GAS2: variants seen among roughly 807,000 people sequenced by gnomAD.
GAS2 encodes the protein growth arrest specific 2.
In GAS2, 20 loss-of-function variants were observed where a neutral mutation model predicts 37.5. That is an observed-to-expected ratio of 0.53 (90% confidence interval 0.37 to 0.77). GAS2 has a LOEUF of 0.77. Ranked by LOEUF, GAS2 falls within the 30% of genes least tolerant of loss-of-function variation. The probability of loss-of-function intolerance (pLI) is 0.00; values close to 1 mark genes in which losing one functional copy is unlikely to be tolerated. For missense variants in GAS2, 336 were observed against 373.4 expected (o/e 0.90, Z 0.82); for synonymous variants, 144 against 132.2 (o/e 1.09, Z -0.61).
intron 1 of GAS2, among the ~76,000 whole-genome samples, chr11:22,645,296 T>A (rs1848676060): frequency 1.3e-5 from 2 of 151,862 alleles, no homozygotes; most frequent in South Asian, 4.2e-4. Flanking sequence ...GATCACGAGG[T>A]AAGGAGATTA....
chr11:22,648,720 CTGTT>C (rs1288798937), intron 1 of GAS2, among the ~76,000 whole-genome samples: 1 of 152,164 alleles, frequency 6.6e-6, no homozygotes, highest in Non-Finnish European at 1.5e-5. Context: ...ATTTGGCTCT[CTGTT>C]TGTCTGTTAT....
intron 2 of GAS2, among the ~76,000 whole-genome samples, chr11:22,682,869 TAA>T (rs371098220): frequency 8.9e-5 from 7 of 78,932 alleles, no homozygotes; most frequent in South Asian, 5.8e-4. Flanking sequence ...CACTTTCTGC[TAA>T]AAAAAAAAAA....
intron 7 of GAS2, among the ~76,000 whole-genome samples, chr11:22,766,507 T>G (rs1854703992): frequency 6.6e-6 from 1 of 152,208 alleles, no homozygotes; most frequent in African/African-American, 2.4e-5. Context: ...CCATTAGTAA[T>G]TTACCTATAC....
At chr11:22,811,702 A>G in intron 7 of GAS2, 96 bp from the exon 8 acceptor site, 3 of 1,202,016 alleles carry the variant, frequency 2.5e-6, no homozygotes, top group Non-Finnish European at 3.6e-6. Flanking sequence ...GTCATGAAAT[A>G]CAAACCAAAA....
At chr11:22,659,610 G>A (rs1848893458) in intron 1 of GAS2, among the ~76,000 whole-genome samples, 1 of 152,128 alleles carries the variant, frequency 6.6e-6, no homozygotes, top group Non-Finnish European at 1.5e-5. Context: ...TCTCTGTGAT[G>A]TGGAATCTTC....
intron 7 of GAS2, among the ~76,000 whole-genome samples, chr11:22,801,182 A>G (rs964192504): frequency 4.6e-5 from 7 of 151,988 alleles, no homozygotes; most frequent in African/African-American, 1.4e-4. Context: ...TAAACTACAT[A>G]ACTAAGAGAC....
intron 7 of GAS2, among the ~76,000 whole-genome samples, chr11:22,792,586 A>G (rs1348122114): frequency 2.0e-5 from 3 of 152,350 alleles, no homozygotes; most frequent in South Asian, 4.1e-4. Flanking sequence ...TTTATGTCTA[A>G]AAACTGGCTG....
At chr11:22,681,833 A>T (rs1565082830) in intron 2 of GAS2, among the ~76,000 whole-genome samples, 2 of 151,630 alleles carry the variant, frequency 1.3e-5, no homozygotes. Flanking sequence ...TTTATATTAT[A>T]TTTTTTTGAA....
At chr11:22,719,059 C>A (rs914983247) in intron 3 of GAS2, among the ~76,000 whole-genome samples, 2 of 151,986 alleles carry the variant, frequency 1.3e-5, no homozygotes, top group Admixed American at 1.3e-4. Flanking sequence ...TAACATGTAA[C>A]AAAAATTACA....
chr11:22,716,823 C>T (rs1471517203), intron 3 of GAS2, among the ~76,000 whole-genome samples: 1 of 152,034 alleles, frequency 6.6e-6, no homozygotes, highest in Admixed American at 6.6e-5. Context: ...TCAAGGTACA[C>T]AAATCAGTAG....
chr11:22,665,951 G>A (rs1848977714), upstream of GAS2, among the ~76,000 whole-genome samples: 1 of 152,154 alleles, frequency 6.6e-6, no homozygotes, highest in African/African-American at 2.4e-5. Context: ...ATGAACATGA[G>A]AACAAAACAA....
At chr11:22,643,629 A>C (rs1269134601) in intron 1 of GAS2, among the ~76,000 whole-genome samples, 1 of 152,134 alleles carries the variant, frequency 6.6e-6, no homozygotes, top group African/African-American at 2.4e-5. Flanking sequence ...TGAACTAAAT[A>C]AACTAAATTT....
intron 3 of GAS2, among the ~76,000 whole-genome samples, chr11:22,699,638 G>A (rs1454839317): frequency 1.3e-5 from 2 of 152,132 alleles, no homozygotes; most frequent in African/African-American, 4.8e-5. Context: ...TGTATACTCA[G>A]TAGTCATACT....
At chr11:22,677,644 C>A (rs1364933391) in intron 2 of GAS2, among the ~76,000 whole-genome samples, 2 of 152,144 alleles carry the variant, frequency 1.3e-5, no homozygotes, top group African/African-American at 4.8e-5. Context: ...CCCAAGACAG[C>A]CTCAAAGAAT....
intron 1 of GAS2, among the ~76,000 whole-genome samples, chr11:22,631,966 T>G (rs990946957): frequency 1.3e-5 from 2 of 148,806 alleles, no homozygotes; most frequent in Non-Finnish European, 3.0e-5. Context: ...TTTTTTTTTT[T>G]TGACAAATTT....
At chr11:22,810,022 A>C (rs1483379569) in intron 7 of GAS2, among the ~76,000 whole-genome samples, 1 of 152,124 alleles carries the variant, frequency 6.6e-6, no homozygotes, top group Non-Finnish European at 1.5e-5. Flanking sequence ...TTGTTACTGA[A>C]ATGTCAGAGG....
intron 5 of GAS2, among the ~76,000 whole-genome samples, chr11:22,738,712 A>G (rs1852886558): frequency 6.6e-6 from 1 of 152,216 alleles, no homozygotes; most frequent in Non-Finnish European, 1.5e-5. Context: ...CAACTTGGCT[A>G]GAAAACTTGC....
chr11:22,662,968 G>A (rs932532219), upstream of GAS2, among the ~76,000 whole-genome samples: 9 of 152,220 alleles, frequency 5.9e-5, no homozygotes, highest in African/African-American at 9.6e-5. Context: ...AACTACCTGA[G>A]ACTGGGTCAT....
chr11:22,769,179 C>G, intron 7 of GAS2, among the ~76,000 whole-genome samples: 1 of 152,166 alleles, frequency 6.6e-6, no homozygotes, highest in East Asian at 1.9e-4. Context: ...CACTTTGAAC[C>G]ACAGGATATG....
Sources: gnomAD v4.1 joint callset for allele counts (sites outside exome capture counted in the v4.1 genomes callset) on GRCh38, gnomAD v4.1.1 for gene constraint, MANE v1.5 for transcripts, NCBI Gene and HGNC (gene_info 2026-07-23, HGNC 2026-07-21) for gene names.